Variants in DIP2C observed in about 807,000 individuals in gnomAD.
DIP2C encodes DIP2 acetate--CoA ligase C (putative), also known as disco-interacting protein 2 homolog C.
In DIP2C, 33 loss-of-function variants were observed where a neutral mutation model predicts 192.4. The ratio of observed to expected loss-of-function variants is 0.17; its 90% confidence interval spans 0.13 to 0.23. DIP2C has a LOEUF of 0.23. DIP2C is among the 10% of genes least tolerant of loss of function. The pLI is 1.00. For synonymous variants in DIP2C, 979 were observed against 864.1 expected, an observed-to-expected ratio of 1.13 and a Z score of -2.33; for missense variants, 1,537 against 2,110.1, an observed-to-expected ratio of 0.73 and a Z score of 5.32.
intron 29 of DIP2C, among the ~76,000 whole-genome samples, chr10:333,897 T>G (rs948464542): frequency 6.6e-6 from 1 of 152,222 alleles, no homozygotes; most frequent in African/African-American, 2.4e-5. Context: ...ATTTCCCTAA[T>G]TAACGCTAGG....
intron 1 of DIP2C, among the ~76,000 whole-genome samples, chr10:578,442 C>T (rs1163597477): frequency 2.0e-5 from 3 of 152,196 alleles, no homozygotes; most frequent in African/African-American, 7.2e-5. Flanking sequence ...TCACTGAAAT[C>T]ACCAAGTCCC....
chr10:389,943 G>T (rs759669915), intron 13 of DIP2C, 48 bp downstream of exon 13: 4 of 1,485,476 alleles, frequency 2.7e-6, no homozygotes, highest in African/African-American at 1.4e-5. Context: ...CGTGTCAGGT[G>T]TCCCGGTTAG....
At chr10:443,838 CA>C (rs1463617426) in intron 3 of DIP2C, among the ~76,000 whole-genome samples, 3 of 152,148 alleles carry the variant, frequency 2.0e-5, no homozygotes, top group African/African-American at 4.8e-5. Context: ...AAAAATCTAT[CA>C]AATAGAGTTC....
chr10:545,791 T>C (rs1017102037), intron 1 of DIP2C, among the ~76,000 whole-genome samples: 4 of 152,178 alleles, frequency 2.6e-5, no homozygotes, highest in African/African-American at 9.7e-5. Context: ...CTTTTCCATG[T>C]GGATATCCAG....
intron 1 of DIP2C, among the ~76,000 whole-genome samples, chr10:508,274 C>CA (rs2130752551): frequency 1.3e-5 from 2 of 152,296 alleles, no homozygotes; most frequent in South Asian, 4.1e-4. Flanking sequence ...GCCCCTCACC[C>CA]ACTCCAGAGC....
intron 1 of DIP2C, among the ~76,000 whole-genome samples, chr10:674,258 T>C (rs768944483): frequency 4.1e-4 from 63 of 152,262 alleles, no homozygotes; most frequent in Admixed American, 1.4e-3. Flanking sequence ...ACATGAAGGA[T>C]GGAAAAACAT....
At chr10:671,907 A>AGCCACAGACGCACGGAAGGAGGAAACAG (rs1830664593) in intron 1 of DIP2C, among the ~76,000 whole-genome samples, 2 of 105,334 alleles carry the variant, frequency 1.9e-5, no homozygotes, top group African/African-American at 7.6e-5. Context: ...ACGGAGGAAA[A>AGCCACAGACGCACGGAAGGAGGAAACAG]GCCACAGACG....
At chr10:497,541 G>A (rs1389012759) in intron 1 of DIP2C, among the ~76,000 whole-genome samples, 2 of 152,264 alleles carry the variant, frequency 1.3e-5, no homozygotes, top group South Asian at 2.1e-4. Flanking sequence ...GTTTGCTGCG[G>A]CAACGAGCTC....
chr10:348,296 G>A (rs1279560838), intron 26 of DIP2C, among the ~76,000 whole-genome samples: 1 of 152,186 alleles, frequency 6.6e-6, no homozygotes, highest in African/African-American at 2.4e-5. Flanking sequence ...TTGAGGAGAG[G>A]GCTTTGGAAA....
At chr10:678,824 G>C (rs1374516268) in intron 1 of DIP2C, among the ~76,000 whole-genome samples, 2 of 75,714 alleles carry the variant, frequency 2.6e-5, no homozygotes, top group Non-Finnish European at 5.1e-5. Flanking sequence ...CCGCGCCCAT[G>C]CTCCCCACAC....
chr10:640,339 T>C (rs1306810400), intron 1 of DIP2C, among the ~76,000 whole-genome samples: 2 of 152,208 alleles, frequency 1.3e-5, no homozygotes, highest in Non-Finnish European at 2.9e-5. Context: ...TGTTAGATAA[T>C]TAAGGCTCAG....
intron 31 of DIP2C, among the ~76,000 whole-genome samples, chr10:319,529 CTCTAAA>C (rs956035766): frequency 4.6e-5 from 7 of 152,110 alleles, no homozygotes; most frequent in Admixed American, 2.0e-4. Context: ...TGAACAATAT[CTCTAAA>C]TCTAATGCAA....
At chr10:304,664 A>AAC (rs1325247722) in intron 32 of DIP2C, among the ~76,000 whole-genome samples, 3 of 147,062 alleles carry the variant, frequency 2.0e-5, no homozygotes, top group African/African-American at 7.5e-5. Flanking sequence ...GTGCACATGC[A>AAC]ACACACACAC....
intron 1 of DIP2C, among the ~76,000 whole-genome samples, chr10:623,086 G>A (rs573678862): frequency 7.9e-5 from 12 of 152,318 alleles, no homozygotes; most frequent in Non-Finnish European, 1.2e-4. Context: ...TCTGACAGGC[G>A]TGAGACATTG....
intron 1 of DIP2C, among the ~76,000 whole-genome samples, chr10:542,300 G>A (rs1235811583): frequency 6.6e-6 from 1 of 152,206 alleles, no homozygotes; most frequent in African/African-American, 2.4e-5. Flanking sequence ...ATGGTGCAGT[G>A]CCCAGAACGT....
chr10:605,728 C>G (rs1450714196), intron 1 of DIP2C, among the ~76,000 whole-genome samples: 4 of 152,214 alleles, frequency 2.6e-5, no homozygotes, highest in Admixed American at 1.3e-4. Flanking sequence ...GGTCACTTAA[C>G]CAGCCACCAG....
At chr10:316,409 C>A (rs1383950450) in intron 31 of DIP2C, among the ~76,000 whole-genome samples, 1 of 152,216 alleles carries the variant, frequency 6.6e-6, no homozygotes, top group Non-Finnish European at 1.5e-5. Flanking sequence ...AGTAGGAGAC[C>A]TTCCACCCAC....
Position 312,439 on chromosome 10 carries a change from C to A in DIP2C, c.3925-2347G>T, listed in dbSNP as rs140993183. Among the ~76,000 whole-genome samples, 21 of 152,242 alleles carry A rather than the reference C, an allele frequency of 1.4e-4. No individual in the cohort carries two copies. The East Asian group carries it at 4.1e-3, about 29-fold the overall frequency. Reference sequence around the variant, plus strand: ...GATGCACACCTGTGCTTTGTGTGTACGGCCCGGCACCCACCCACAACCCCA... The same window carrying A: ...GATGCACACCTGTGCTTTGTGTGTAAGGCCCGGCACCCACCCACAACCCCA... On this transcript the variant is annotated intron_variant, in intron 31 of 36. Transcript: ENST00000280886.
intron 1 of DIP2C, among the ~76,000 whole-genome samples, chr10:521,764 T>C (rs1490349965): frequency 3.3e-5 from 5 of 152,340 alleles, no homozygotes; most frequent in Admixed American, 6.5e-5. Context: ...ATTTTTTGTT[T>C]GCCTTTTCAA....
Sources: gnomAD v4.1 joint callset for allele counts (sites outside exome capture counted in the v4.1 genomes callset) on GRCh38, gnomAD v4.1.1 for gene constraint, MANE v1.5 for transcripts, NCBI Gene and HGNC (gene_info 2026-07-23, HGNC 2026-07-21) for gene names.